SPNS2: variants seen among roughly 807,000 people sequenced by gnomAD.
SPNS2 encodes sphingosine-1-phosphate transporter SPNS2.
In SPNS2, 37 loss-of-function variants were observed where a neutral mutation model predicts 57.6. The observed-to-expected ratio is 0.64, with a 90% CI of 0.49 to 0.85. SPNS2 has a LOEUF of 0.85. Among genes scored for constraint, SPNS2 ranks in the 40% least tolerant of loss-of-function variants. SPNS2 has a pLI of 0.00. For missense variants in SPNS2, 831 were observed against 779.1 expected (o/e 1.07, Z -0.79); for synonymous variants, 440 against 346.9 (o/e 1.27, Z -2.98).
chr17:4,537,429 C>T (rs1413015794), intron 12 of SPNS2, 24 bp from the exon 13 acceptor site: 1 of 439,894 alleles, frequency 2.3e-6, no homozygotes, highest in Non-Finnish European at 4.6e-6. Flanking sequence ...AGCCCCACTG[C>T]TGACCTGACA....
chr17:4,533,790 C>T lies in SPNS2; in HGVS notation c.1281C>T (p.Ile427=), dbSNP rs1905618302. 6.2e-7 allele frequency: 1 copy of T among 1,613,786 alleles called. No individual in the cohort carries two copies. The change falls in exon 9 of 13, where the codon ATC becomes ATT. Residue 427 remains isoleucine (I), a splice_region_variant and synonymous_variant. Coordinates refer to ENST00000329078, the MANE Select transcript of SPNS2 (RefSeq NM_001124758.3). ...AAKSSIVGAY[I]CIFVGETLLF... ...TGGCTTTGCCTTCTCCCCGGCAGAT[C>T]TGTATCTTCGTCGGGGAGACGCTGC... is the stretch of plus-strand genomic sequence containing the variant.
Position 4,499,307 on chromosome 17 carries a change from C to T in SPNS2, c.260C>T (p.Pro87Leu), listed in dbSNP as rs1904389962. ...GGCTGCGCAGCTACTGCAAAGGGCC[C>T]CGGCGCTCAGCAGCCCAAACCGGCC... is the stretch of plus-strand genomic sequence containing the variant. Reference protein sequence around the residue: ...TPGCAATAKGPGAQQPKPASL... With the variant: ...TPGCAATAKGLGAQQPKPASL... The change falls in exon 1 of 13, where the codon CCC (proline) becomes CTC (leucine). Residue 87 changes from proline (P) to leucine (L), a missense_variant. Around this residue, in one of 2 missense-constraint regions of SPNS2, gnomAD observed 305 missense variants for 378.3 expected, o/e 0.81. Coordinates refer to ENST00000329078, the MANE Select transcript of SPNS2 (RefSeq NM_001124758.3). This position sits in a 1 kb window ranked among gnomAD's most constrained non-coding sequence, Gnocchi z 5.2. The T allele has an allele frequency of 6.7e-7, 1 of 1,496,182 alleles. No homozygotes were observed. The highest frequency in any genetic ancestry group is 8.9e-7 in the Non-Finnish European group (1 of 1,129,606). The allele number at this position is 1,496,182 out of a possible 1,614,324, so 92.7% of individuals were successfully genotyped here.
At position 4,536,398 on chromosome 17, in the gene SPNS2, G is replaced by T. The variant is rs201456858; in HGVS notation, c.1579G>T (p.Val527Phe). ...CTTCCTCGCCACTGCGCTCTTCTTC[G>T]TCAGCGACCGCGCCAGGGCTGAGCA... Reference protein sequence around the residue: ...MFFLATALFFVSDRARAEQQV... With the variant: ...MFFLATALFFFSDRARAEQQV... The change falls in exon 11 of 13, where the codon GTC becomes TTC. Residue 527 changes from valine to phenylalanine, a missense_variant. Val to Phe is a conservative substitution (Grantham distance 50). This residue lies in a region of SPNS2 where 526 missense variants were observed against 400.9 expected (regional missense o/e 1.31). Transcript: ENST00000329078. 1.9e-6 allele frequency: 3 copies of T among 1,602,984 alleles called. No homozygotes were observed. Among genetic ancestry groups the T allele is most frequent in the Non-Finnish European group, 2.5e-6 (3 of 1,178,336 alleles).
In SPNS2 at chr17:4,529,852, G is replaced by A. The variant is rs1905385906; in HGVS notation, c.574-780G>A. Among the ~76,000 whole-genome samples the A allele has an allele frequency of 2.0e-5, 3 of 152,164 alleles. No homozygotes were observed. In the South Asian group the frequency reaches 6.2e-4, roughly 32 times the overall value. On this transcript the variant is annotated intron_variant, in intron 3 of 12. Transcript: ENST00000329078. ...GGTCAGAGATGGGCCAACCCAGGCA[G>A]CACCTGCAGGCACAGCAAGCCAGGA...
chr17:4,533,672 G>T (rs909578946), intron 8 of SPNS2, 116 bp from the exon 9 acceptor site: 12 of 1,233,294 alleles, frequency 9.7e-6, no homozygotes, highest in Non-Finnish European at 1.3e-5. Context: ...ATGTGGGCCC[G>T]GGAGGGGTGT....
chr17:4,535,213 G>A (rs1201768977), intron 9 of SPNS2, among the ~76,000 whole-genome samples: 1 of 152,108 alleles, frequency 6.6e-6, no homozygotes, highest in Non-Finnish European at 1.5e-5. Flanking sequence ...CAGCTTTGAA[G>A]CCAACCTCCT....
Position 4,538,668 on chromosome 17 carries a change from C to G in SPNS2, c.*1220C>G. 2 of 526,598 alleles carry G rather than the reference C, an allele frequency of 3.8e-6. No homozygotes were observed. The highest frequency in any genetic ancestry group is 3.4e-5 in the East Asian group (1 of 29,000). 32.6% of individuals were successfully genotyped at this position (526,598 alleles called of 1,614,324 possible). On this transcript the variant is annotated 3_prime_UTR_variant, in exon 13 of 13. Transcript: ENST00000329078. ...GTGAGGCCTTGTGGCCAATGGGGGA[C>G]CCCCCAAGAGCCAGCTTGGACAATG...
rs138567161 is a variant in SPNS2, at chr17:4,526,204, C to T, written c.573+1011C>T. 3.8e-3 allele frequency among the ~76,000 whole-genome samples: 576 copies of T among 152,224 alleles called. 5 individuals are homozygous for T. The highest frequency in any genetic ancestry group is 0.013 in the African/African-American group (521 of 41,518). The stretch of plus-strand genomic sequence containing the variant: ...AGGGAGGGCTTCCTGGAGGAGGTGG[C>T]GTTTGCGCTGGGCAGGCAGGACTGT... On this transcript the variant is annotated intron_variant, in intron 3 of 12. Coordinates refer to ENST00000329078, the MANE Select transcript of SPNS2 (RefSeq NM_001124758.3).
At chr17:4,536,867 C>T (rs1244558594) in intron 11 of SPNS2, 33 bp from the exon 12 acceptor site, 6 of 1,605,816 alleles carry the variant, frequency 3.7e-6, no homozygotes, top group South Asian at 1.1e-5. Flanking sequence ...CCCGCTGATG[C>T]ACCACCCTGA....
At chr17:4,536,724 T>A (rs569290937) in intron 11 of SPNS2, 176 bp from the exon 12 acceptor site, 1 of 653,712 alleles carries the variant, frequency 1.5e-6, no homozygotes, top group African/African-American at 1.8e-5. Flanking sequence ...CTTTCCTCTT[T>A]ACTCCTCTCT....
At chr17:4,533,746 A>G (rs1905615461) in intron 8 of SPNS2, 42 bp from the exon 9 acceptor site, 1 of 1,608,788 alleles carries the variant, frequency 6.2e-7, no homozygotes, top group Non-Finnish European at 8.5e-7. Context: ...GTTGCTGCGG[A>G]TGGAGGGACC....
intron 1 of SPNS2, among the ~76,000 whole-genome samples, chr17:4,506,019 A>C (rs1904667191): frequency 6.6e-6 from 1 of 152,168 alleles, no homozygotes; most frequent in African/African-American, 2.4e-5. Context: ...ACTTGGTCAC[A>C]CAGCTGTTTC....
chr17:4,500,535 CCCAGAA>C (rs1904454388), intron 1 of SPNS2, among the ~76,000 whole-genome samples: 1 of 152,058 alleles, frequency 6.6e-6, no homozygotes, highest in African/African-American at 2.4e-5. Flanking sequence ...GGCATGCTGG[CCCAGAA>C]CCTGCGTAAC....
chr17:4,521,069 C>T (rs1567591450), intron 2 of SPNS2, among the ~76,000 whole-genome samples: 1 of 152,162 alleles, frequency 6.6e-6, no homozygotes, highest in Non-Finnish European at 1.5e-5. Context: ...CCAGCTTTGT[C>T]ACCACCGCCT....
Position 4,511,509 on chromosome 17 carries a change from G to A in SPNS2, c.371-1738G>A, listed in dbSNP as rs754316268. On this transcript the variant is annotated intron_variant, in intron 1 of 12. Coordinates refer to ENST00000329078, the MANE Select transcript of SPNS2 (RefSeq NM_001124758.3). The surrounding 1 kb of genome is among the most constrained non-coding windows in gnomAD (Gnocchi z 4.6). ...TGGGATCAAACCTACACATCAGGAG[G>A]GGGAACAGAGTCCTGACCCAGAAAG... 6.6e-6 allele frequency among the ~76,000 whole-genome samples: 1 copy of A among 152,190 alleles called. No homozygotes were observed. The highest frequency in any genetic ancestry group is 1.5e-5 in the Non-Finnish European group (1 of 68,036).
intron 5 of SPNS2, among the ~76,000 whole-genome samples, 156 bp downstream of exon 5, chr17:4,531,275 T>C (rs1179215628): frequency 6.6e-6 from 1 of 152,206 alleles, no homozygotes; most frequent in African/African-American, 2.4e-5. Context: ...TTAGTCCAGA[T>C]TGAGGTATCA....
At chr17:4,502,379 CAAA>C (rs11327895) in intron 1 of SPNS2, among the ~76,000 whole-genome samples, 18 of 138,994 alleles carry the variant, frequency 1.3e-4, no homozygotes, top group South Asian at 2.2e-4. Flanking sequence ...GGCTCTGTCT[CAAA>C]AAAAAAAAAA....
chr17:4,499,242 G>T lies in SPNS2; in HGVS notation c.195G>T (p.Arg65Ser), dbSNP rs1226269174. 1.1e-4 allele frequency: 164 copies of T among 1,467,300 alleles called. No homozygotes were observed. Among genetic ancestry groups the T allele is most frequent in the Non-Finnish European group, 1.5e-4 (162 of 1,116,826 alleles). 90.9% of individuals were successfully genotyped at this position (1,467,300 alleles called of 1,614,324 possible). A position where few individuals can be genotyped will look rare whatever the true frequency, so the allele number is the denominator to read the frequency against. Reference protein sequence around the residue: ...DEVQTLSGSVRRAPTGPPGTP... With the variant: ...DEVQTLSGSVSRAPTGPPGTP... ...TGCAGACGCTGTCGGGCAGCGTAAG[G>T]CGGGCCCCGACCGGACCCCCCGGCA... Residue 65 changes from arginine (R) to serine (S), a missense_variant, in exon 1 of 13, where the codon AGG becomes AGT. Around this residue, in one of 2 missense-constraint regions of SPNS2, gnomAD observed 305 missense variants for 378.3 expected, o/e 0.81. Transcript: ENST00000329078. The surrounding 1 kb of genome is among the most constrained non-coding windows in gnomAD (Gnocchi z 5.2).
At position 4,533,908 on chromosome 17, in the gene SPNS2, C is replaced by T. The variant is rs1905625820; in HGVS notation, c.1344+55C>T. 3.4e-6 allele frequency: 5 copies of T among 1,456,328 alleles called. No homozygotes were observed. In the African/African-American group the frequency reaches 5.4e-5, roughly 16 times the overall value. The allele number at this position is 1,456,328 out of a possible 1,614,324, so 90.2% of individuals were successfully genotyped here. On this transcript the variant is annotated intron_variant, in intron 9 of 12. Coordinates refer to ENST00000329078, the MANE Select transcript of SPNS2 (RefSeq NM_001124758.3). Reference sequence around the variant, plus strand: ...GCTGCTGACCCAGGCCTCTTGACCTCACAGGGGTGCCTGGGGAGGGCGGGT... The same window carrying T: ...GCTGCTGACCCAGGCCTCTTGACCTTACAGGGGTGCCTGGGGAGGGCGGGT...
Sources: gnomAD v4.1 joint callset for allele counts (sites outside exome capture counted in the v4.1 genomes callset) on GRCh38, gnomAD v4.1.1 for gene constraint, gnomAD v4.1.1 regional missense constraint, Gnocchi (gnomAD v3.1) non-coding constraint, MANE v1.5 for transcripts, NCBI Gene and HGNC (gene_info 2026-07-23, HGNC 2026-07-21) for gene names.